BMPER: variants seen among roughly 807,000 people sequenced by gnomAD.
BMPER encodes the protein BMP-binding endothelial regulator protein.
In BMPER, 45 loss-of-function variants were observed where a neutral mutation model predicts 87.3. The observed-to-expected ratio is 0.52, with a 90% confidence interval of 0.41 to 0.66. The LOEUF (loss-of-function observed/expected upper bound fraction) is 0.66, where lower values mean the gene tolerates loss of function less well. Ranked by LOEUF, BMPER falls within the 30% of genes least tolerant of loss-of-function variation. BMPER has a pLI of 0.00. For missense variants in BMPER, 784 were observed against 867.5 expected, an observed-to-expected ratio of 0.90 and a Z score of 1.21; for synonymous variants, 326 against 316.2, an observed-to-expected ratio of 1.03 and a Z score of -0.33.
At chr7:33,926,628 A>C (rs886485863) in intron 2 of BMPER, among the ~76,000 whole-genome samples, 3 of 152,224 alleles carry the variant, frequency 2.0e-5, no homozygotes, top group East Asian at 1.9e-4. Context: ...TGAGGAAATA[A>C]ATCTGTGGCT....
At chr7:34,077,748 T>A (rs998274653) in intron 11 of BMPER, among the ~76,000 whole-genome samples, 2 of 152,218 alleles carry the variant, frequency 1.3e-5, no homozygotes, top group Admixed American at 1.3e-4. Flanking sequence ...CCCTTGGTGC[T>A]ATCAGATCAG....
chr7:34,110,768 A>G (rs755810092), intron 13 of BMPER, among the ~76,000 whole-genome samples: 1 of 152,194 alleles, frequency 6.6e-6, no homozygotes, highest in African/African-American at 2.4e-5. Flanking sequence ...TTTTTAATTT[A>G]TAATTTATAA....
intron 5 of BMPER, among the ~76,000 whole-genome samples, chr7:33,972,612 G>A (rs906989533): frequency 1.3e-5 from 2 of 151,970 alleles, no homozygotes; most frequent in African/African-American, 4.8e-5. Flanking sequence ...GGCCAAAGGT[G>A]AGGTTGGGAT....
In BMPER at chr7:34,154,326, G is replaced by A. The variant is rs1404353752; in HGVS notation, c.*1053G>A. 6.6e-6 allele frequency: 1 copy of A among 152,210 alleles called. No homozygotes were observed. Among genetic ancestry groups the A allele is most frequent in the Non-Finnish European group, 1.5e-5 (1 of 68,042 alleles). 9.4% of individuals were successfully genotyped at this position (152,210 alleles called of 1,614,324 possible). On this transcript the variant is annotated 3_prime_UTR_variant, in exon 15 of 15. Transcript: ENST00000649409. ...TGATTTAACCTCAGTCCAAAGAACA[G>A]TCTCTATACTTGCCCTCATTTACTG...
chr7:34,153,215 C>T lies in BMPER; in HGVS notation c.2000C>T (p.Ala667Val). ...TGCGTTGCTGGGTGCCACTGTCCAG[C>T]AAACTTGGTCCTTCACAAGGGAAGG... ...KPCVAGCHCP[A>V]NLVLHKGRCI... Residue 667 changes from alanine (A) to valine (V), a missense_variant, in exon 15 of 15, where the codon GCA becomes GTA. Coordinates refer to ENST00000649409, the MANE Select transcript of BMPER (RefSeq NM_001365308.1). The T allele has an allele frequency of 6.2e-7, 1 of 1,614,094 alleles. No individual in the cohort carries two copies. Among genetic ancestry groups the T allele is most frequent in the Non-Finnish European group, 8.5e-7 (1 of 1,179,988 alleles).
chr7:33,993,220 C>G (rs1433596067), intron 6 of BMPER, among the ~76,000 whole-genome samples: 51 of 149,850 alleles, frequency 3.4e-4, no homozygotes, highest in East Asian at 1.4e-3. Flanking sequence ...TGTTTTCCAA[C>G]TTGGTTCCAT....
intron 6 of BMPER, among the ~76,000 whole-genome samples, chr7:33,997,925 G>C (rs928280150): frequency 2.0e-5 from 3 of 152,182 alleles, no homozygotes; most frequent in African/African-American, 4.8e-5. Context: ...CCTGCCACCA[G>C]ATACTCCCTA....
chr7:33,938,569 GGTAGCATGCCCT>G (rs1238460623), intron 3 of BMPER, among the ~76,000 whole-genome samples: 1 of 152,122 alleles, frequency 6.6e-6, no homozygotes, highest in African/African-American at 2.4e-5. Context: ...TGCCTTCAGA[GGTAGCATGCCCT>G]GCCGACACCT....
At chr7:33,925,091 T>C (rs1330019811) in intron 2 of BMPER, among the ~76,000 whole-genome samples, 2 of 152,184 alleles carry the variant, frequency 1.3e-5, no homozygotes, top group Non-Finnish European at 2.9e-5. Context: ...TTCCCTGCAG[T>C]CGTCCCTGCT....
chr7:34,039,680 C>T (rs148305759), intron 6 of BMPER, among the ~76,000 whole-genome samples: 1 of 151,496 alleles, frequency 6.6e-6, no homozygotes, highest in Non-Finnish European at 1.5e-5. Context: ...CAGATGTATC[C>T]TACTATAGTG....
chr7:34,129,610 A>AGAGAAAG (rs1790507400), intron 13 of BMPER, among the ~76,000 whole-genome samples: 1 of 69,644 alleles, frequency 1.4e-5, no homozygotes, highest in African/African-American at 5.7e-5. Context: ...GAGAGAGAGA[A>AGAGAAAG]AGAGAGAGAG....
chr7:33,940,030 T>G (rs1443233593), intron 3 of BMPER: 1 of 253,592 alleles, frequency 3.9e-6, no homozygotes, highest in Non-Finnish European at 9.2e-6. Context: ...TGGTGAGTTT[T>G]TTTTTTAATT....
At chr7:34,056,516 A>G (rs972719128) in intron 9 of BMPER, among the ~76,000 whole-genome samples, 5 of 152,214 alleles carry the variant, frequency 3.3e-5, no homozygotes, top group South Asian at 2.1e-4. Flanking sequence ...AGAGATGCTC[A>G]TATGTCCTCT....
intron 13 of BMPER, among the ~76,000 whole-genome samples, chr7:34,118,976 T>G (rs972920196): frequency 7.0e-6 from 1 of 142,742 alleles, no homozygotes; most frequent in Admixed American, 7.1e-5. Flanking sequence ...CCTTAAAATC[T>G]CTCTCTCTCT....
chr7:34,065,259 T>C (rs939541200), intron 11 of BMPER, among the ~76,000 whole-genome samples: 1 of 145,496 alleles, frequency 6.9e-6, no homozygotes, highest in Admixed American at 7.0e-5. Flanking sequence ...CCTCTCTCTC[T>C]CTCTCCCCAT....
chr7:34,097,613 AG>A (rs1789564043), intron 13 of BMPER, among the ~76,000 whole-genome samples: 2 of 152,162 alleles, frequency 1.3e-5, no homozygotes, highest in Non-Finnish European at 2.9e-5. Flanking sequence ...CAGTGGGTCT[AG>A]GTGGGGCTTG....
intron 13 of BMPER, among the ~76,000 whole-genome samples, chr7:34,124,868 A>G (rs1369949638): frequency 2.6e-5 from 4 of 152,170 alleles, no homozygotes; most frequent in Non-Finnish European, 4.4e-5. Context: ...TTTTGAAACC[A>G]GGATTAATGT....
intron 13 of BMPER, among the ~76,000 whole-genome samples, chr7:34,100,711 A>C (rs1789658356): frequency 1.3e-5 from 2 of 152,298 alleles, no homozygotes; most frequent in South Asian, 4.1e-4. Context: ...TACTGGACTC[A>C]TTATATCTGG....
At position 34,025,315 on chromosome 7, in the gene BMPER, A is replaced by G. The variant is rs115350762; in HGVS notation, c.577-20991A>G. 3.4e-3 allele frequency among the ~76,000 whole-genome samples: 510 copies of G among 152,118 alleles called. 2 individuals are homozygous for G. Among genetic ancestry groups the G allele is most frequent in the African/African-American group, 0.012 (485 of 41,506 alleles). On this transcript the variant is annotated intron_variant, in intron 6 of 14. Coordinates refer to ENST00000649409, the MANE Select transcript of BMPER (RefSeq NM_001365308.1). The stretch of plus-strand genomic sequence containing the variant: ...TTGCCTGAGAGGCTGTGGGGAAGGA[A>G]GTAGAGGGTAGGTTCTGCAAGTTGA...
Sources: gnomAD v4.1 joint callset for allele counts (sites outside exome capture counted in the v4.1 genomes callset) on GRCh38, gnomAD v4.1.1 for gene constraint, MANE v1.5 for transcripts, NCBI Gene and HGNC (gene_info 2026-07-23, HGNC 2026-07-21) for gene names.